The following PFKFB3 variants were observed in gnomAD, a reference collection of about 807,000 sequenced individuals.
PFKFB3 encodes 6-phosphofructo-2-kinase/fructose-2,6-bisphosphatase 3.
A neutral mutation model predicts 68.0 loss-of-function variants in PFKFB3; 33 were observed. That is an observed-to-expected ratio of 0.49 (90% CI 0.37 to 0.65). The LOEUF is 0.65. Among genes scored for constraint, PFKFB3 ranks in the 30% least tolerant of loss-of-function variants. The probability of loss-of-function intolerance (pLI) is 0.00; values close to 1 mark genes in which losing one functional copy is unlikely to be tolerated. For missense variants in PFKFB3, 586 were observed against 712.2 expected (o/e 0.82, Z 2.02); for synonymous variants, 315 against 288.2 (o/e 1.09, Z -0.94).
intron 1 of PFKFB3, among the ~76,000 whole-genome samples, chr10:6,171,671 G>A (rs1340832184): frequency 6.6e-6 from 1 of 152,238 alleles, no homozygotes; most frequent in African/African-American, 2.4e-5. Flanking sequence ...AAGATGACAG[G>A]TGTGAGCCAC....
chr10:6,154,290 G>A lies in PFKFB3; in HGVS notation c.16+9277G>A, dbSNP rs1841697797. ...AGGCAGGGTCCCACTCTGTTGGCCA[G>A]GCTGGAGTGCAGTGGCGCGTTCTCG... On this transcript the variant is annotated intron_variant, in intron 1 of 14. Coordinates refer to the PFKFB3 transcript ENST00000379789. The surrounding 1 kb of genome is among the most constrained non-coding windows in gnomAD (Gnocchi z 4.6). Among the ~76,000 whole-genome samples the A allele has an allele frequency of 6.6e-6, 1 of 151,414 alleles. No homozygotes were observed. The highest frequency in any genetic ancestry group is 2.4e-5 in the African/African-American group (1 of 41,156).
chr10:6,325,461 T>G, the PFKFB3 span, among the ~76,000 whole-genome samples: 1 of 152,208 alleles, frequency 6.6e-6, no homozygotes, highest in Admixed American at 6.5e-5. Context: ...GTTATGTTGT[T>G]GAGATCACAC....
At chr10:6,202,145 T>G (rs1460541399), upstream of PFKFB3, among the ~76,000 whole-genome samples, 1 of 152,216 alleles carries the variant, frequency 6.6e-6, no homozygotes, top group Non-Finnish European at 1.5e-5. Flanking sequence ...ATGGTGAGTG[T>G]GAAAACCAGA....
chr10:6,262,391 C>A, the PFKFB3 span, among the ~76,000 whole-genome samples: 4 of 139,272 alleles, frequency 2.9e-5, 1 homozygote, highest in African/African-American at 1.1e-4. Flanking sequence ...GGGGGCGGAG[C>A]CTGCAGTGAG....
At chr10:6,214,528 CAATT>C (rs1296000680) in intron 2 of PFKFB3, among the ~76,000 whole-genome samples, 32 of 147,824 alleles carry the variant, frequency 2.2e-4, no homozygotes, top group Non-Finnish European at 3.0e-5. Flanking sequence ...TTTTTTTTTT[CAATT>C]AATTTTATTT....
chr10:6,250,817 C>T (rs1339931854), intron 14 of PFKFB3, among the ~76,000 whole-genome samples: 2 of 152,180 alleles, frequency 1.3e-5, no homozygotes, highest in Non-Finnish European at 2.9e-5. Context: ...ATAAATGACC[C>T]AGTCCCAGGA....
the PFKFB3 span, among the ~76,000 whole-genome samples, chr10:6,291,028 T>G: frequency 6.6e-6 from 1 of 152,248 alleles, no homozygotes; most frequent in East Asian, 1.9e-4. Context: ...TTATTTTTGT[T>G]TTTAACTTTA....
chr10:6,326,535 T>C, the PFKFB3 span: 1 of 456,016 alleles, frequency 2.2e-6, no homozygotes, highest in Admixed American at 2.4e-5. Context: ...TAACCCCAAA[T>C]TGTCTTCTAG....
At chr10:6,284,271 C>T in the PFKFB3 span, among the ~76,000 whole-genome samples, 6 of 152,138 alleles carry the variant, frequency 3.9e-5, no homozygotes, top group South Asian at 2.1e-4. Context: ...TTTTTTATAC[C>T]GGGGTGTTGA....
chr10:6,206,426 A>G (rs1486232998), intron 1 of PFKFB3, among the ~76,000 whole-genome samples: 10 of 123,608 alleles, frequency 8.1e-5, no homozygotes, highest in African/African-American at 1.9e-4. Context: ...ATTCCACAAA[A>G]CCGCCATTGT....
chr10:6,300,403 C>G, the PFKFB3 span, among the ~76,000 whole-genome samples: 1 of 152,128 alleles, frequency 6.6e-6, no homozygotes, highest in Admixed American at 6.5e-5. Flanking sequence ...GTAGTAGATT[C>G]TAGAGACATA....
intron 1 of PFKFB3, among the ~76,000 whole-genome samples, chr10:6,188,066 T>C (rs1842923164): frequency 3.9e-5 from 6 of 152,034 alleles, no homozygotes; most frequent in Admixed American, 3.9e-4. Flanking sequence ...TGGATATATG[T>C]GTGTACGTGT....
At chr10:6,316,355 A>G in the PFKFB3 span, among the ~76,000 whole-genome samples, 91,303 of 152,124 alleles carry the variant, frequency 0.6, 28,602 homozygotes, top group Middle Eastern at 0.78. Context: ...TTTCACCAGG[A>G]TGACCACCAA....
At position 6,203,425 on chromosome 10, in the gene PFKFB3, G is replaced by A. The variant is rs2242617; in HGVS notation, c.76+89G>A. On this transcript the variant is annotated intron_variant, in intron 1 of 14. Transcript: ENST00000379775. ...GGCGGCTTTGTGCCGACGCCCCTCT[G>A]CGGGGGGCGCGCCCGTGCGGGTCGC... 125 of 869,116 alleles carry A rather than the reference G, an allele frequency of 1.4e-4. 1 individual carries two copies. The East Asian group carries it at 3.8e-3, about 26-fold the overall frequency. The allele number at this position is 869,116 out of a possible 1,614,324, so 53.8% of individuals were successfully genotyped here.
At chr10:6,156,127 ATATGTG>A (rs1184920487) in intron 1 of PFKFB3, among the ~76,000 whole-genome samples, 1 of 46,720 alleles carries the variant, frequency 2.1e-5, no homozygotes, top group African/African-American at 5.4e-5. Context: ...ATGTACATAT[ATATGTG>A]TGTGTGTGTG....
intron 1 of PFKFB3, among the ~76,000 whole-genome samples, chr10:6,173,559 G>C (rs1007780377): frequency 6.6e-6 from 1 of 152,150 alleles, no homozygotes; most frequent in Admixed American, 6.5e-5. Flanking sequence ...GTGCAGACAA[G>C]TATTTGAGGT....
the PFKFB3 span, among the ~76,000 whole-genome samples, chr10:6,264,425 T>C: frequency 6.6e-6 from 1 of 152,226 alleles, no homozygotes; most frequent in Non-Finnish European, 1.5e-5. Context: ...TAGGTAACTT[T>C]GGGAAGAACT....
chr10:6,270,670 G>C, the PFKFB3 span, among the ~76,000 whole-genome samples: 1 of 152,140 alleles, frequency 6.6e-6, no homozygotes, highest in Non-Finnish European at 1.5e-5. Context: ...GCATCAGATG[G>C]TGTCATGGCA....
At chr10:6,203,960 C>T (rs1351645510) in intron 1 of PFKFB3, among the ~76,000 whole-genome samples, 1 of 152,238 alleles carries the variant, frequency 6.6e-6, no homozygotes, top group African/African-American at 2.4e-5. Flanking sequence ...GGCGCCCGTG[C>T]TGGGGGCGCC....
Sources: allele counts gnomAD v4.1 joint callset (sites outside exome capture counted in the v4.1 genomes callset), GRCh38; gene constraint gnomAD v4.1.1; non-coding constraint Gnocchi (gnomAD v3.1); transcripts MANE v1.5; gene names NCBI Gene and HGNC (gene_info 2026-07-23, HGNC 2026-07-21).